GPATCH8: variants seen among roughly 807,000 people sequenced by gnomAD.
The protein encoded by GPATCH8 is G-patch domain containing 8.
In GPATCH8, 18 loss-of-function variants were observed where a neutral mutation model predicts 118.3. That is an observed-to-expected ratio of 0.15 (90% CI 0.11 to 0.23). The LOEUF (loss-of-function observed/expected upper bound fraction) is 0.23, where lower values mean the gene tolerates loss of function less well. Ranked by LOEUF, GPATCH8 falls within the 10% of genes least tolerant of loss-of-function variation. GPATCH8 has a pLI of 1.00. For missense variants in GPATCH8, 1,631 were observed against 1,873.8 expected (o/e 0.87, Z 2.39); for synonymous variants, 659 against 684.7 (o/e 0.96, Z 0.59).
chr17:44,492,692 T>C (rs1969349426), intron 1 of GPATCH8, among the ~76,000 whole-genome samples: 1 of 152,148 alleles, frequency 6.6e-6, no homozygotes, highest in African/African-American at 2.4e-5. Context: ...TGACATGTAA[T>C]ATAGCTGGCA....
At chr17:44,420,340 C>CA (rs1335900978) in intron 6 of GPATCH8, among the ~76,000 whole-genome samples, 3 of 152,150 alleles carry the variant, frequency 2.0e-5, no homozygotes, top group Non-Finnish European at 4.4e-5. Context: ...GTACTAAGGT[C>CA]AAATGACACC....
chr17:44,420,717 GAC>G (rs2049866286), intron 6 of GPATCH8, among the ~76,000 whole-genome samples: 1 of 152,196 alleles, frequency 6.6e-6, no homozygotes, highest in Non-Finnish European at 1.5e-5. Context: ...TCAGGTTGAG[GAC>G]AGTGTCACTA....
chr17:44,469,840 G>T (rs1042072304), intron 2 of GPATCH8, among the ~76,000 whole-genome samples: 3 of 152,248 alleles, frequency 2.0e-5, no homozygotes, highest in Admixed American at 2.0e-4. Context: ...TTCTAGTGCA[G>T]TCCACATATG....
intron 2 of GPATCH8, among the ~76,000 whole-genome samples, chr17:44,474,170 G>T (rs1369617495): frequency 6.6e-6 from 1 of 151,996 alleles, no homozygotes; most frequent in Non-Finnish European, 1.5e-5. Flanking sequence ...AAAAATAACG[G>T]GTTTTTCAAA....
rs757478240 is a variant in GPATCH8, at chr17:44,399,347, G to C, written c.2730C>G (p.Asp910Glu). ...AGCTGGCATAGTCTGAGTCATCTGA[G>C]TCATGGGAGCGCTTGGAGTGCCTTC... ...RSRRHSKRSH[D>E]SDDSDYASSK... is the part of the protein sequence containing the mutation. The change falls in exon 8 of 8, where the codon GAC becomes GAG. Residue 910 changes from aspartate to glutamate, a missense_variant. By Grantham distance (45) the Asp-to-Glu change is conservative (BLOSUM62 2). Coordinates refer to ENST00000591680, the MANE Select transcript of GPATCH8 (RefSeq NM_001002909.4). 5.6e-6 allele frequency: 9 copies of C among 1,614,134 alleles called. No homozygotes were observed. Among genetic ancestry groups the C allele is most frequent in the Non-Finnish European group, 8.5e-7 (1 of 1,179,952 alleles).
At position 44,412,079 on chromosome 17, in the gene GPATCH8, C is replaced by T. The variant is rs750242407; in HGVS notation, c.493-6028G>A. 3.9e-5 allele frequency among the ~76,000 whole-genome samples: 6 copies of T among 152,266 alleles called. No individual in the cohort carries two copies. The East Asian group carries it at 7.8e-4, about 20-fold the overall frequency. On this transcript the variant is annotated intron_variant, in intron 6 of 7. Coordinates refer to ENST00000591680, the MANE Select transcript of GPATCH8 (RefSeq NM_001002909.4). ...CTGGGATTACAAGCATGCGCCACCACGCCTGGCTAATTTTTGTATTTTTAG... is the reference window on the plus strand; with the variant it reads ...CTGGGATTACAAGCATGCGCCACCATGCCTGGCTAATTTTTGTATTTTTAG...
rs1598395595 is a variant in GPATCH8, at chr17:44,398,136, G to A, written c.3941C>T (p.Pro1314Leu). 4 of 1,613,522 alleles carry A rather than the reference G, an allele frequency of 2.5e-6. No homozygotes were observed. The highest frequency in any genetic ancestry group is 3.3e-4 in the Middle Eastern group (2 of 6,060). ...CTTGCTGTACTTCTCCATCTCCTCAGGGGTGAAGGTGATGGGCTGGCTTTC... is the reference window on the plus strand; with the variant it reads ...CTTGCTGTACTTCTCCATCTCCTCAAGGGTGAAGGTGATGGGCTGGCTTTC... Reference protein sequence around the residue: ...PLESQPITFTPEEMEKYSKLQ... With the variant: ...PLESQPITFTLEEMEKYSKLQ... Residue 1314 changes from proline to leucine, a missense_variant, in exon 8 of 8, where the codon CCT becomes CTT. By Grantham distance (98) the Pro-to-Leu change is moderately conservative. This residue lies in a region of GPATCH8 where 13 missense variants were observed against 35.9 expected (regional missense o/e 0.36). Transcript: ENST00000591680.
chr17:44,395,750 G>T lies in GPATCH8; in HGVS notation c.*1818C>A. On this transcript the variant is annotated 3_prime_UTR_variant, in exon 8 of 8. Transcript: ENST00000591680. ...TTGCGAAGGCAGGAACAGAGCCTTG[G>T]CCCAGGTAAGTATGGTTTTTCTTGT... 1 of 454,076 alleles carries T rather than the reference G, an allele frequency of 2.2e-6. No homozygotes were observed. The highest frequency in any genetic ancestry group is 4.4e-6 in the Non-Finnish European group (1 of 226,794). The allele number at this position is 454,076 out of a possible 1,614,324, so 28.1% of individuals were successfully genotyped here. A position where few individuals can be genotyped will look rare whatever the true frequency, so the allele number is the denominator to read the frequency against.
chr17:44,397,166 G>C lies in GPATCH8; in HGVS notation c.*402C>G. Reference sequence around the variant, plus strand: ...GCAAGACCAGATGGGCCCACAGCAAGTGCTCTGGTGACAACCCACTGGCCA... The same window carrying C: ...GCAAGACCAGATGGGCCCACAGCAACTGCTCTGGTGACAACCCACTGGCCA... On this transcript the variant is annotated 3_prime_UTR_variant, in exon 8 of 8. Transcript: ENST00000591680. The C allele has an allele frequency of 2.2e-6, 1 of 458,936 alleles. No individual in the cohort carries two copies. The highest frequency in any genetic ancestry group is 2.3e-5 in the Admixed American group (1 of 42,690). The allele number at this position is 458,936 out of a possible 1,614,324, so 28.4% of individuals were successfully genotyped here.
At chr17:44,421,180 T>G (rs1338540627) in intron 6 of GPATCH8, among the ~76,000 whole-genome samples, 2 of 151,758 alleles carry the variant, frequency 1.3e-5, no homozygotes, top group Non-Finnish European at 2.9e-5. Flanking sequence ...AACTTTTTTT[T>G]CTTTACAAAA....
intron 1 of GPATCH8, among the ~76,000 whole-genome samples, chr17:44,502,277 T>G (rs1970126429): frequency 1.3e-5 from 2 of 152,210 alleles, no homozygotes; most frequent in South Asian, 2.1e-4. Context: ...TTGAGTAGGA[T>G]CTGCAGCGGG....
intron 6 of GPATCH8, among the ~76,000 whole-genome samples, chr17:44,418,880 A>T (rs187057361): frequency 1.3e-5 from 2 of 152,354 alleles, no homozygotes; most frequent in East Asian, 3.9e-4. Context: ...ATTAACATCG[A>T]TCACTTGAAA....
intron 1 of GPATCH8, among the ~76,000 whole-genome samples, chr17:44,477,363 A>G (rs1967862203): frequency 6.6e-6 from 1 of 152,144 alleles, no homozygotes. Flanking sequence ...TGGTGGTGGT[A>G]GTCGTACAAT....
intron 3 of GPATCH8, among the ~76,000 whole-genome samples, chr17:44,463,419 C>T (rs1156880993): frequency 2.0e-5 from 3 of 152,232 alleles, no homozygotes; most frequent in Non-Finnish European, 4.4e-5. Context: ...CGGAGTCTCA[C>T]TCTGTTGCCC....
At chr17:44,453,500 G>GGGGTGTGTGT (rs1222816424) in intron 3 of GPATCH8, among the ~76,000 whole-genome samples, 1 of 142,702 alleles carries the variant, frequency 7.0e-6, no homozygotes, top group African/African-American at 2.7e-5. Flanking sequence ...GGTAGGTAGG[G>GGGGTGTGTGT]GTGTGTGTGT....
intron 3 of GPATCH8, among the ~76,000 whole-genome samples, chr17:44,456,607 C>T (rs1017022555): frequency 6.6e-5 from 10 of 151,928 alleles, no homozygotes; most frequent in Admixed American, 6.6e-4. Context: ...CATAGAAAGA[C>T]CTCATCTCCA....
chr17:44,427,341 A>G (rs2050126278), intron 5 of GPATCH8, among the ~76,000 whole-genome samples: 1 of 151,918 alleles, frequency 6.6e-6, no homozygotes, highest in Admixed American at 6.6e-5. Context: ...ACATATATAT[A>G]TAAATAATTC....
intron 1 of GPATCH8, among the ~76,000 whole-genome samples, chr17:44,495,589 G>T (rs1178430102): frequency 6.6e-6 from 1 of 152,084 alleles, no homozygotes; most frequent in African/African-American, 2.4e-5. Context: ...ACTACAATAC[G>T]TACTTCTTCG....
intron 1 of GPATCH8, among the ~76,000 whole-genome samples, chr17:44,488,223 CTTTTTT>C (rs927607960): frequency 3.9e-5 from 4 of 101,364 alleles, no homozygotes; most frequent in African/African-American, 1.5e-4. Context: ...GTGCCTGACC[CTTTTTT>C]TTTTTTTTTT....
Sources: allele counts gnomAD v4.1 joint callset (sites outside exome capture counted in the v4.1 genomes callset), GRCh38; gene constraint gnomAD v4.1.1; regional missense constraint gnomAD v4.1.1; transcripts MANE v1.5; gene names NCBI Gene and HGNC (gene_info 2026-07-23, HGNC 2026-07-21).